The following UBR3 variants were observed in gnomAD, a reference collection of about 807,000 sequenced individuals.
UBR3 encodes E3 ubiquitin-protein ligase UBR3.
A neutral mutation model predicts 243.2 loss-of-function variants in UBR3; 85 were observed. The ratio of observed to expected loss-of-function variants is 0.35; its 90% CI spans 0.29 to 0.42. The LOEUF is 0.42. Ranked by LOEUF, UBR3 falls within the 10% of genes least tolerant of loss-of-function variation. The pLI is 1.00. For missense variants in UBR3, 1,686 were observed against 2,300.8 expected (o/e 0.73, Z 5.47); for synonymous variants, 748 against 799.8 (o/e 0.94, Z 1.09).
chr2:170,012,926 A>G (rs1424840675), intron 29 of UBR3, among the ~76,000 whole-genome samples: 1 of 152,166 alleles, frequency 6.6e-6, no homozygotes, highest in Non-Finnish European at 1.5e-5. Context: ...AAGCTGGAGC[A>G]TAGTTAGAGG....
chr2:169,950,079 T>C lies in UBR3; in HGVS notation c.3545+14T>C. 1 of 1,530,420 alleles carries C rather than the reference T, an allele frequency of 6.5e-7. No homozygotes were observed. The highest frequency in any genetic ancestry group is 1.3e-5 in the South Asian group (1 of 75,678). The allele number at this position is 1,530,420 out of a possible 1,614,324, so 94.8% of individuals were successfully genotyped here. ...CAAAGAAGAAAGGTAATTTTTATTTTTAATGTTTTAAACGTGTGTATAGTT... is the reference window on the plus strand; with the variant it reads ...CAAAGAAGAAAGGTAATTTTTATTTCTAATGTTTTAAACGTGTGTATAGTT... On this transcript the variant is annotated intron_variant, in intron 23 of 38. Coordinates refer to ENST00000272793, the MANE Select transcript of UBR3 (RefSeq NM_172070.4).
At chr2:169,906,650 T>G (rs2085021839) in intron 10 of UBR3, among the ~76,000 whole-genome samples, 1 of 152,156 alleles carries the variant, frequency 6.6e-6, no homozygotes, top group African/African-American at 2.4e-5. Flanking sequence ...AACTAAAGAC[T>G]TGACTAAAAT....
At chr2:169,992,860 A>G (rs2089330791) in intron 25 of UBR3, among the ~76,000 whole-genome samples, 1 of 152,172 alleles carries the variant, frequency 6.6e-6, no homozygotes, top group Non-Finnish European at 1.5e-5. Flanking sequence ...TCCCAGGCTC[A>G]AGCAATTCTC....
intron 1 of UBR3, among the ~76,000 whole-genome samples, chr2:169,866,146 G>T (rs2083250238): frequency 3.2e-5 from 2 of 62,812 alleles, no homozygotes; most frequent in African/African-American, 8.4e-5. Context: ...GCGAGACTGT[G>T]TCTCAAAAAA....
intron 14 of UBR3, 53 bp from the exon 15 acceptor site, chr2:169,926,639 A>G: frequency 6.8e-7 from 1 of 1,464,410 alleles, no homozygotes; most frequent in Non-Finnish European, 9.2e-7. Context: ...CATGATTAAT[A>G]GAAGAAGGAA....
chr2:169,945,729 C>T (rs982997817), intron 20 of UBR3, among the ~76,000 whole-genome samples: 4 of 152,238 alleles, frequency 2.6e-5, no homozygotes, highest in Non-Finnish European at 2.9e-5. Flanking sequence ...CCCAGAAATC[C>T]TGTGTAAGAT....
At chr2:170,038,973 T>C (rs2090898069) in intron 31 of UBR3, among the ~76,000 whole-genome samples, 1 of 152,030 alleles carries the variant, frequency 6.6e-6, no homozygotes, top group African/African-American at 2.4e-5. Context: ...GCGGAAGTAA[T>C]GGATATTCAG....
At chr2:169,949,495 C>A in intron 22 of UBR3, 110 bp from the exon 23 acceptor site, 3 of 997,738 alleles carry the variant, frequency 3.0e-6, no homozygotes, top group Non-Finnish European at 4.2e-6. Context: ...TTGAATAAAT[C>A]TTTGTATGAA....
Position 169,832,023 on chromosome 2 carries a change from G to T in UBR3, c.545+3971G>T, listed in dbSNP as rs556030301. ...TTTCACCAGTGTCTGACTGTTGCCT[G>T]TAGGATGTTCTTGATTGGAGATGGA... On this transcript the variant is annotated intron_variant, in intron 1 of 38. Transcript: ENST00000272793. Among the ~76,000 whole-genome samples the T allele has an allele frequency of 1.4e-4, 22 of 152,264 alleles. No individual in the cohort carries two copies. In the South Asian group the frequency reaches 2.5e-3, roughly 17 times the overall value.
chr2:170,064,896 G>A (rs1455918118), intron 35 of UBR3, among the ~76,000 whole-genome samples: 1 of 148,024 alleles, frequency 6.8e-6, no homozygotes, highest in African/African-American at 2.5e-5. Context: ...AGGCTGGAGT[G>A]CAGTGGCGCG....
intron 18 of UBR3, 48 bp from the exon 19 acceptor site, chr2:169,932,864 G>T: frequency 1.4e-6 from 2 of 1,389,492 alleles, no homozygotes; most frequent in South Asian, 2.6e-5. Flanking sequence ...AATAAATATT[G>T]ATTTTATTTC....
chr2:169,924,851 G>A (rs1383650172), intron 13 of UBR3, among the ~76,000 whole-genome samples: 8 of 152,082 alleles, frequency 5.3e-5, no homozygotes, highest in Non-Finnish European at 1.0e-4. Flanking sequence ...TGGCCAACAT[G>A]GTGAAACCTT....
At chr2:169,852,924 T>C (rs969685725) in intron 1 of UBR3, among the ~76,000 whole-genome samples, 1 of 149,708 alleles carries the variant, frequency 6.7e-6, no homozygotes, top group African/African-American at 2.5e-5. Flanking sequence ...TAGGTTTTTA[T>C]GGATATATAA....
At chr2:169,833,457 C>G (rs968511953) in intron 1 of UBR3, among the ~76,000 whole-genome samples, 1 of 152,162 alleles carries the variant, frequency 6.6e-6, no homozygotes, top group African/African-American at 2.4e-5. Context: ...TACTAAGTCT[C>G]TTGTACTTAG....
chr2:169,827,930 C>T lies in UBR3; in HGVS notation c.423C>T (p.Cys141=), dbSNP rs1228030225. ...YRCRTCGISP[C]MSLCAECFHQ... is the part of the protein sequence containing the mutation. ...GCCGGACGTGCGGCATCTCGCCCTGCATGTCGCTGTGCGCCGAGTGCTTCC... is the reference window on the plus strand; with the variant it reads ...GCCGGACGTGCGGCATCTCGCCCTGTATGTCGCTGTGCGCCGAGTGCTTCC... Residue 141 remains cysteine, a synonymous_variant, in exon 1 of 39, where the codon TGC becomes TGT. Coordinates refer to ENST00000272793, the MANE Select transcript of UBR3 (RefSeq NM_172070.4). The T allele has an allele frequency of 1.2e-4, 181 of 1,491,604 alleles. No individual in the cohort carries two copies. Among genetic ancestry groups the T allele is most frequent in the Non-Finnish European group, 1.6e-4 (180 of 1,120,942 alleles). The allele number at this position is 1,491,604 out of a possible 1,614,324, so 92.4% of individuals were successfully genotyped here.
intron 11 of UBR3, among the ~76,000 whole-genome samples, chr2:169,914,479 A>G (rs997538174): frequency 1.3e-5 from 2 of 152,216 alleles, no homozygotes; most frequent in African/African-American, 4.8e-5. Context: ...TGACAATGCA[A>G]ATGTGAATAG....
chr2:170,055,224 A>T (rs2091306630), intron 32 of UBR3, among the ~76,000 whole-genome samples: 1 of 152,180 alleles, frequency 6.6e-6, no homozygotes, highest in Admixed American at 6.5e-5. Flanking sequence ...AGATGAGAGG[A>T]TCGCTTGAGC....
intron 4 of UBR3, among the ~76,000 whole-genome samples, chr2:169,878,251 C>T (rs556732471): frequency 1.3e-5 from 2 of 151,912 alleles, no homozygotes; most frequent in Non-Finnish European, 2.9e-5. Flanking sequence ...AGCCCAGCTA[C>T]TTGGGAAGCT....
chr2:170,048,639 C>A (rs534545290), intron 32 of UBR3, among the ~76,000 whole-genome samples: 1 of 152,156 alleles, frequency 6.6e-6, no homozygotes, highest in Admixed American at 6.6e-5. Context: ...ATAAAGCCCT[C>A]GTTTCCAAAT....
Sources: gnomAD v4.1 joint callset for allele counts (sites outside exome capture counted in the v4.1 genomes callset) on GRCh38, gnomAD v4.1.1 for gene constraint, MANE v1.5 for transcripts, NCBI Gene and HGNC (gene_info 2026-07-23, HGNC 2026-07-21) for gene names.